Variants in SLC4A7 observed in about 807,000 individuals in gnomAD.
The protein encoded by SLC4A7 is solute carrier family 4 member 7.
SLC4A7 carries 51 observed loss-of-function variants against 137.6 expected under a neutral mutation model. The ratio of observed to expected loss-of-function variants is 0.37; its 90% confidence interval spans 0.30 to 0.47. SLC4A7 has a LOEUF of 0.47. SLC4A7 is among the 20% of genes least tolerant of loss of function. The probability of loss-of-function intolerance (pLI) is 1.00; values close to 1 mark genes in which losing one functional copy is unlikely to be tolerated. For missense variants in SLC4A7, 1,247 were observed against 1,525.4 expected (o/e 0.82, Z 3.04); for synonymous variants, 542 against 518.6 (o/e 1.05, Z -0.61).
At position 27,456,601 on chromosome 3, in the gene SLC4A7, G is replaced by T. The variant is rs766434440; in HGVS notation, c.61-4103C>A. 3 of 1,247,652 alleles carry T rather than the reference G, an allele frequency of 2.4e-6. 1 individual carries two copies. In the South Asian group the frequency reaches 3.6e-5, roughly 15 times the overall value. 77.3% of individuals were successfully genotyped at this position (1,247,652 alleles called of 1,614,324 possible). ...TCTTCAAGCTTCACTATTAAACTCT[G>T]ATTCAAATTCGTTTGTAAATAAAAG... On this transcript the variant is annotated intron_variant, in intron 1 of 25. Transcript: ENST00000454389.
chr3:27,404,895 A>G lies in SLC4A7; in HGVS notation c.2010T>C (p.Pro670=), dbSNP rs781323471. 25 of 1,610,264 alleles carry G rather than the reference A, an allele frequency of 1.6e-5. No homozygotes were observed. Among genetic ancestry groups the G allele is most frequent in the Non-Finnish European group, 2.0e-5 (24 of 1,178,268 alleles). Residue 670 remains proline, a synonymous_variant, in exon 14 of 26, where the codon CCT becomes CCC. Transcript: ENST00000454389. ...GIAYSLFAGQ[P]LTILGSTGPV... ...GACCTGTGCTCCCCAATATTGTTAG[A>G]GGTTGCCCAGCAAACAATGAATAGG... is the stretch of plus-strand genomic sequence containing the variant.
intron 6 of SLC4A7, 61 bp from the exon 7 acceptor site, chr3:27,431,730 T>A: frequency 1.4e-6 from 2 of 1,456,104 alleles, no homozygotes; most frequent in Non-Finnish European, 1.8e-6. Flanking sequence ...AATAGAGACA[T>A]TTAAAAAAAA....
intron 7 of SLC4A7, among the ~76,000 whole-genome samples, chr3:27,431,085 T>C (rs1344072011): frequency 1.3e-5 from 2 of 152,170 alleles, no homozygotes; most frequent in African/African-American, 4.8e-5. Context: ...ATTTTTGCCA[T>C]TGAAAGTAAA....
At chr3:27,482,544 G>A (rs944343166) in intron 1 of SLC4A7, among the ~76,000 whole-genome samples, 1 of 152,190 alleles carries the variant, frequency 6.6e-6, no homozygotes, top group African/African-American at 2.4e-5. Context: ...GCCGAGGCGG[G>A]TGGATTGCCT....
At chr3:27,458,130 T>C (rs1024099691) in intron 1 of SLC4A7, among the ~76,000 whole-genome samples, 2 of 152,158 alleles carry the variant, frequency 1.3e-5, no homozygotes, top group Non-Finnish European at 2.9e-5. Context: ...CAAATGCTTA[T>C]TTTGTCATTC....
chr3:27,392,546 T>A (rs1300952052), intron 20 of SLC4A7, among the ~76,000 whole-genome samples: 1 of 152,106 alleles, frequency 6.6e-6, no homozygotes, highest in Non-Finnish European at 1.5e-5. Context: ...CAGACGTATT[T>A]TAAAAAATCT....
chr3:27,390,157 T>TAGGAGA, intron 21 of SLC4A7, 53 bp from the exon 22 acceptor site: 2 of 1,115,106 alleles, frequency 1.8e-6, no homozygotes, highest in Non-Finnish European at 2.6e-6. Context: ...TTCTGCTATT[T>TAGGAGA]AGGAGAAGAA....
At chr3:27,453,244 A>T (rs1213775599) in intron 1 of SLC4A7, among the ~76,000 whole-genome samples, 1 of 152,198 alleles carries the variant, frequency 6.6e-6, no homozygotes, top group African/African-American at 2.4e-5. Flanking sequence ...TCTAATCATC[A>T]TTAACTACTT....
At chr3:27,383,329 G>T in intron 23 of SLC4A7, 79 bp from the exon 24 acceptor site, 1 of 1,044,886 alleles carries the variant, frequency 9.6e-7, no homozygotes. Context: ...ACATTTTACA[G>T]ACTTAGAAAC....
chr3:27,397,792 T>G lies in SLC4A7; in HGVS notation c.2595A>C (p.Arg865=). ...ATACAGCAAAATCACTGATTGTCGATCGCACCTATGTTAAAGGGATTATGT... is the reference window on the plus strand; with the variant it reads ...ATACAGCAAAATCACTGATTGTCGAGCGCACCTATGTTAAAGGGATTATGT... ...KTKRYFPTKV[R]STISDFAVFL... is the part of the protein sequence containing the mutation. Residue 865 remains arginine, a synonymous_variant, in exon 18 of 26, where the codon CGA becomes CGC. Transcript: ENST00000454389. 3.8e-6 allele frequency: 6 copies of G among 1,570,332 alleles called. No individual in the cohort carries two copies. Among genetic ancestry groups the G allele is most frequent in the Non-Finnish European group, 5.3e-6 (6 of 1,142,530 alleles).
At chr3:27,449,443 T>A (rs900402202) in intron 2 of SLC4A7, among the ~76,000 whole-genome samples, 1 of 150,502 alleles carries the variant, frequency 6.6e-6, no homozygotes, top group African/African-American at 2.4e-5. Flanking sequence ...TTTTGAGTTT[T>A]GAAAAAAAAA....
At chr3:27,465,301 A>C (rs1345517850) in intron 1 of SLC4A7, among the ~76,000 whole-genome samples, 1 of 151,668 alleles carries the variant, frequency 6.6e-6, no homozygotes, top group South Asian at 2.1e-4. Flanking sequence ...AAAAAAAAAA[A>C]AAAAAAAACC....
intron 1 of SLC4A7, among the ~76,000 whole-genome samples, chr3:27,466,754 G>A (rs1277249818): frequency 1.3e-5 from 2 of 152,138 alleles, no homozygotes; most frequent in Non-Finnish European, 2.9e-5. Context: ...CTACTAGGGA[G>A]GCTGAGACAG....
At chr3:27,475,264 G>A (rs2059417681) in intron 1 of SLC4A7, among the ~76,000 whole-genome samples, 1 of 151,188 alleles carries the variant, frequency 6.6e-6, no homozygotes, top group South Asian at 2.1e-4. Flanking sequence ...AAGAACACAG[G>A]CTGATTATTA....
chr3:27,394,343 G>A (rs1283430897), intron 20 of SLC4A7, among the ~76,000 whole-genome samples, 175 bp downstream of exon 20: 3 of 150,720 alleles, frequency 2.0e-5, no homozygotes, highest in Admixed American at 6.6e-5. Flanking sequence ...AATATATACA[G>A]CTTACCACTG....
chr3:27,452,524 T>G (rs1576560388), intron 1 of SLC4A7, 26 bp from the exon 2 acceptor site: 1 of 1,505,554 alleles, frequency 6.6e-7, no homozygotes, highest in Non-Finnish European at 9.1e-7. Flanking sequence ...TCTCATTGAC[T>G]CATGAGATCA....
rs530197238 is a variant in SLC4A7, at chr3:27,453,211, T to A, written c.61-713A>T. Among the ~76,000 whole-genome samples, 4 of 152,338 alleles carry A rather than the reference T, an allele frequency of 2.6e-5. No individual in the cohort carries two copies. The East Asian group carries it at 7.7e-4, about 29-fold the overall frequency. ...TTAGCTTTAACTTCCCTTCTCAACT[T>A]GTAATAACTTTCAAAAGGACATTCT... On this transcript the variant is annotated intron_variant, in intron 1 of 25. Coordinates refer to ENST00000454389, the MANE Select transcript of SLC4A7 (RefSeq NM_001321103.2).
chr3:27,414,790 C>T (rs967363442), intron 11 of SLC4A7, among the ~76,000 whole-genome samples: 1 of 152,186 alleles, frequency 6.6e-6, no homozygotes, highest in South Asian at 2.1e-4. Flanking sequence ...GTGGTGTTTA[C>T]TAGTTTTTGA....
At chr3:27,420,831 A>G in intron 9 of SLC4A7, 44 bp from the exon 10 acceptor site, 2 of 1,292,868 alleles carry the variant, frequency 1.5e-6, no homozygotes, top group Non-Finnish European at 2.2e-6. Flanking sequence ...AACATCATAC[A>G]CCCACAAAGC....
Sources: allele counts gnomAD v4.1 joint callset (sites outside exome capture counted in the v4.1 genomes callset), GRCh38; gene constraint gnomAD v4.1.1; transcripts MANE v1.5; gene names NCBI Gene and HGNC (gene_info 2026-07-23, HGNC 2026-07-21).